The following DPF3 variants were observed in gnomAD, a reference collection of about 807,000 sequenced individuals.
The protein encoded by DPF3 is double PHD fingers 3.
In DPF3, 18 loss-of-function variants were observed where a neutral mutation model predicts 56.8. The ratio of observed to expected loss-of-function variants is 0.32; its 90% CI spans 0.22 to 0.47. The LOEUF is 0.47. Among genes scored for constraint, DPF3 ranks in the 20% least tolerant of loss-of-function variants. The probability of loss-of-function intolerance (pLI) is 1.00; values close to 1 mark genes in which losing one functional copy is unlikely to be tolerated. For missense variants in DPF3, 403 were observed against 488.8 expected (o/e 0.82, Z 1.65); for synonymous variants, 188 against 180.2 (o/e 1.04, Z -0.35).
chr14:72,797,079 G>A (rs933679781), intron 1 of DPF3, among the ~76,000 whole-genome samples: 5 of 152,196 alleles, frequency 3.3e-5, no homozygotes, highest in Admixed American at 1.3e-4. Context: ...GAATACAGTG[G>A]AAGTTAGATT....
intron 4 of DPF3, among the ~76,000 whole-genome samples, chr14:72,731,114 C>T (rs1372167746): frequency 6.6e-6 from 1 of 152,006 alleles, no homozygotes; most frequent in East Asian, 1.9e-4. Flanking sequence ...TGCAGTGAGC[C>T]GAGATCGAGA....
intron 4 of DPF3, among the ~76,000 whole-genome samples, chr14:72,725,981 A>G (rs551152607): frequency 6.6e-6 from 1 of 152,334 alleles, no homozygotes; most frequent in South Asian, 2.1e-4. Context: ...TTAACCATCT[A>G]ACAGAGAAGA....
At chr14:72,701,733 C>A (rs938318477) in intron 6 of DPF3, among the ~76,000 whole-genome samples, 4 of 152,204 alleles carry the variant, frequency 2.6e-5, no homozygotes, top group African/African-American at 9.6e-5. Context: ...CCAGTGGTTT[C>A]CGAGAGACTG....
intron 1 of DPF3, among the ~76,000 whole-genome samples, chr14:72,813,677 C>T (rs558457089): frequency 1.3e-5 from 2 of 152,338 alleles, no homozygotes; most frequent in South Asian, 4.1e-4. Flanking sequence ...CAACTAGGCT[C>T]CCCTGCTCAC....
chr14:72,671,192 G>A (rs762319212), intron 8 of DPF3: 36 of 1,613,820 alleles, frequency 2.2e-5, no homozygotes, highest in Non-Finnish European at 3.0e-5. Context: ...CGGCGTCCTC[G>A]ACAGGAGCGA....
At chr14:72,740,193 T>C (rs1293149035) in intron 3 of DPF3, among the ~76,000 whole-genome samples, 19 of 152,146 alleles carry the variant, frequency 1.2e-4, no homozygotes, top group Non-Finnish European at 2.9e-5. Flanking sequence ...GGAGACCAGC[T>C]TGGGGAGCTA....
Position 72,616,654 on chromosome 14 carries a change from C to A in DPF3, c.*2643G>T, listed in dbSNP as rs1276762709. 1.3e-5 allele frequency among the ~76,000 whole-genome samples: 2 copies of A among 152,108 alleles called. No individual in the cohort carries two copies. Among genetic ancestry groups the A allele is most frequent in the Non-Finnish European group, 2.9e-5 (2 of 68,028 alleles). On this transcript the variant is annotated 3_prime_UTR_variant, in exon 11 of 11. Coordinates refer to ENST00000556509, the MANE Select transcript of DPF3 (RefSeq NM_001280542.3). ...TTACTATCTCCACTTTCCAGGTGGG[C>A]AATTGAGGTTCAGGGAGGTTAGGTG...
Position 72,756,822 on chromosome 14 carries a change from C to A in DPF3, c.194-3451G>T, listed in dbSNP as rs8019645. On this transcript the variant is annotated intron_variant, in intron 2 of 10. Transcript: ENST00000556509. The stretch of plus-strand genomic sequence containing the variant: ...CAAGATTCTGTGAAAGAAAGAAAGA[C>A]AGAAAGAAAGAAAGAAAGAAAGAAA... Among the ~76,000 whole-genome samples the A allele has an allele frequency of 7.0e-3, 492 of 69,996 alleles. 2 individuals are homozygous for A. The highest frequency in any genetic ancestry group is 0.011 in the African/African-American group (158 of 14,786). The allele number at this position is 69,996 out of a possible 152,430, so 45.9% of individuals were successfully genotyped here.
chr14:72,698,960 T>C (rs919992598), intron 6 of DPF3, among the ~76,000 whole-genome samples: 3 of 152,166 alleles, frequency 2.0e-5, no homozygotes, highest in African/African-American at 7.2e-5. Flanking sequence ...GAGATGCACA[T>C]GTTTCTGACG....
At chr14:72,659,655 A>G (rs558699962) in intron 8 of DPF3, among the ~76,000 whole-genome samples, 1 of 152,366 alleles carries the variant, frequency 6.6e-6, no homozygotes, top group African/African-American at 2.4e-5. Context: ...CCTCTTTTCT[A>G]GAGAGTAAAT....
At chr14:72,723,493 C>T in intron 5 of DPF3, 140 bp downstream of exon 5, 1 of 748,116 alleles carries the variant, frequency 1.3e-6, no homozygotes, top group Non-Finnish European at 2.1e-6. Context: ...GATCAGAGCT[C>T]TTCTGGAGTT....
intron 4 of DPF3, among the ~76,000 whole-genome samples, chr14:72,727,579 A>G (rs543452130): frequency 1.4e-4 from 21 of 152,082 alleles, no homozygotes; most frequent in African/African-American, 4.8e-4. Context: ...CCATCTCAAA[A>G]AAAAAAAAAA....
intron 3 of DPF3, among the ~76,000 whole-genome samples, chr14:72,741,088 G>A (rs1326118193): frequency 2.1e-5 from 3 of 141,866 alleles, no homozygotes; most frequent in Non-Finnish European, 4.5e-5. Context: ...AAGGCAGAAT[G>A]AGTTGCCATT....
intron 1 of DPF3, among the ~76,000 whole-genome samples, chr14:72,788,417 A>AGAG (rs757506580): frequency 1.3e-4 from 20 of 151,910 alleles, no homozygotes; most frequent in South Asian, 2.1e-4. Context: ...AGGAAGGGGA[A>AGAG]GAGGAGGAGG....
At chr14:72,738,368 G>A (rs1198635471) in intron 3 of DPF3, among the ~76,000 whole-genome samples, 1 of 152,048 alleles carries the variant, frequency 6.6e-6, no homozygotes, top group East Asian at 1.9e-4. Flanking sequence ...CATATAACAG[G>A]AGGACTCATC....
chr14:72,620,578 C>T (rs1009007885), intron 9 of DPF3, among the ~76,000 whole-genome samples: 9 of 152,200 alleles, frequency 5.9e-5, no homozygotes, highest in African/African-American at 2.2e-4. Context: ...TGGTTAACTT[C>T]AAAGGACACA....
At chr14:72,891,633 T>A (rs1886755996) in intron 1 of DPF3, among the ~76,000 whole-genome samples, 1 of 152,114 alleles carries the variant, frequency 6.6e-6, no homozygotes, top group African/African-American at 2.4e-5. Context: ...GCAGATGGTG[T>A]CCCTCTCCCA....
intron 2 of DPF3, among the ~76,000 whole-genome samples, chr14:72,763,680 A>C (rs1252698354): frequency 1.3e-5 from 2 of 152,172 alleles, no homozygotes; most frequent in Non-Finnish European, 2.9e-5. Context: ...TTAGGTAGTA[A>C]TTTCTCAGAC....
At chr14:72,842,560 G>A (rs765500148) in intron 1 of DPF3, among the ~76,000 whole-genome samples, 88 of 152,158 alleles carry the variant, frequency 5.8e-4, no homozygotes, top group Non-Finnish European at 1.5e-4. Flanking sequence ...GAGCGTTGGG[G>A]TGCCTGGAAG....
Sources: gnomAD v4.1 joint callset for allele counts (sites outside exome capture counted in the v4.1 genomes callset) on GRCh38, gnomAD v4.1.1 for gene constraint, MANE v1.5 for transcripts, NCBI Gene and HGNC (gene_info 2026-07-23, HGNC 2026-07-21) for gene names.